Variants in CALCR observed in about 807,000 individuals in gnomAD.
The protein encoded by CALCR is calcitonin receptor.
Under a neutral mutation model 59.5 loss-of-function variants are expected in CALCR, and 47 were observed. The ratio of observed to expected loss-of-function variants is 0.79; its 90% confidence interval spans 0.63 to 1.01. The LOEUF (loss-of-function observed/expected upper bound fraction) is 1.01, where lower values mean the gene tolerates loss of function less well. CALCR is among the 50% of genes least tolerant of loss of function. CALCR has a pLI of 0.00. For synonymous variants in CALCR, 213 were observed against 211.3 expected (o/e 1.01, Z -0.07); for missense variants, 566 against 597.1 (o/e 0.95, Z 0.54).
intron 2 of CALCR, among the ~76,000 whole-genome samples, chr7:93,545,117 C>T (rs1174379927): frequency 6.6e-6 from 1 of 152,034 alleles, no homozygotes; most frequent in African/African-American, 2.4e-5. Flanking sequence ...GGATAAGGTA[C>T]TCATGTGATA....
intron 3 of CALCR, among the ~76,000 whole-genome samples, chr7:93,485,562 C>T (rs1040813112): frequency 1.3e-5 from 2 of 151,490 alleles, no homozygotes; most frequent in East Asian, 1.9e-4. Context: ...TATACCAGAT[C>T]ACTTAGGATT....
intron 2 of CALCR, among the ~76,000 whole-genome samples, chr7:93,572,474 A>G (rs927238332): frequency 2.0e-5 from 3 of 152,046 alleles, no homozygotes; most frequent in Non-Finnish European, 4.4e-5. Context: ...TCTCCTATTA[A>G]CCCTAATTTG....
intron 2 of CALCR, among the ~76,000 whole-genome samples, chr7:93,490,107 C>A (rs576870411): frequency 6.6e-6 from 1 of 151,788 alleles, no homozygotes; most frequent in Non-Finnish European, 1.5e-5. Flanking sequence ...GTTCAACATA[C>A]GCAAATCAAT....
At chr7:93,503,454 T>C (rs1270772869) in intron 2 of CALCR, among the ~76,000 whole-genome samples, 4 of 151,440 alleles carry the variant, frequency 2.6e-5, no homozygotes, top group Non-Finnish European at 4.4e-5. Context: ...CAGAGGAAAA[T>C]TGCACAAGTT....
chr7:93,485,862 T>C (rs560048833), intron 3 of CALCR, among the ~76,000 whole-genome samples: 4 of 151,646 alleles, frequency 2.6e-5, no homozygotes, highest in African/African-American at 9.7e-5. Flanking sequence ...ATTATCCAAA[T>C]AGGTGCAAAA....
intron 7 of CALCR, among the ~76,000 whole-genome samples, chr7:93,467,578 C>A (rs2106736): frequency 0.59 from 89,669 of 151,364 alleles, 28,213 homozygotes; most frequent in African/African-American, 0.82. Context: ...TTATTTTTTG[C>A]GGTAAAGTAT....
intron 2 of CALCR, among the ~76,000 whole-genome samples, chr7:93,495,215 A>C (rs1318622343): frequency 6.6e-6 from 1 of 151,394 alleles, no homozygotes. Context: ...GAAGACCTGC[A>C]ACCAGAAAAT....
chr7:93,504,969 T>C (rs990420708), intron 2 of CALCR, among the ~76,000 whole-genome samples: 3 of 152,142 alleles, frequency 2.0e-5, no homozygotes, highest in African/African-American at 7.2e-5. Context: ...AGAGCTTTTA[T>C]AGTATAAGCA....
chr7:93,532,838 C>CAAAGAAAAAAAA (rs1788877878), intron 2 of CALCR, among the ~76,000 whole-genome samples: 1 of 95,718 alleles, frequency 1.0e-5, no homozygotes, highest in African/African-American at 5.0e-5. Context: ...ATGTCCAAAG[C>CAAAGAAAAAAAA]AAAAAAAAAA....
At chr7:93,438,537 A>C (rs576824051) in intron 9 of CALCR, among the ~76,000 whole-genome samples, 1 of 152,334 alleles carries the variant, frequency 6.6e-6, no homozygotes, top group East Asian at 1.9e-4. Flanking sequence ...TAGCAGGTAC[A>C]CTATGACTAT....
chr7:93,485,730 C>G (rs1432071447), intron 3 of CALCR, among the ~76,000 whole-genome samples: 2 of 151,436 alleles, frequency 1.3e-5, no homozygotes, highest in African/African-American at 4.8e-5. Flanking sequence ...TTTCCAGTGA[C>G]ATAAAGAAAC....
chr7:93,461,385 G>C (rs569811771), intron 7 of CALCR, among the ~76,000 whole-genome samples: 2 of 152,284 alleles, frequency 1.3e-5, no homozygotes, highest in Admixed American at 1.3e-4. Context: ...AAGGCTGCCT[G>C]TGACAAGGTA....
At position 93,491,318 on chromosome 7, in the gene CALCR, G is replaced by A. The variant is rs150818493; in HGVS notation, c.-26-4311C>T. 2.1e-3 allele frequency among the ~76,000 whole-genome samples: 314 copies of A among 152,096 alleles called. 1 individual carries two copies. The highest frequency in any genetic ancestry group is 6.6e-3 in the African/African-American group (275 of 41,490). On this transcript the variant is annotated intron_variant, in intron 2 of 13. Transcript: ENST00000426151. ...CATAAAAACTCTAGAAGAAAACCTA[G>A]GCAATACCATTCAGGACATAGACAT...
chr7:93,468,839 G>T, intron 6 of CALCR, 33 bp from the exon 7 acceptor site: 2 of 489,142 alleles, frequency 4.1e-6, no homozygotes, highest in Non-Finnish European at 6.5e-6. Context: ...AACAAACAAT[G>T]AATGAATGAT....
intron 2 of CALCR, among the ~76,000 whole-genome samples, chr7:93,495,713 A>T (rs181357240): frequency 2.0e-5 from 3 of 151,238 alleles, no homozygotes; most frequent in Non-Finnish European, 4.4e-5. Context: ...ACTTTTTTCA[A>T]ACAAAAACCT....
intron 3 of CALCR, among the ~76,000 whole-genome samples, chr7:93,483,414 T>C (rs1273713967): frequency 3.3e-5 from 3 of 91,146 alleles, no homozygotes; most frequent in Middle Eastern, 4.9e-3. Flanking sequence ...ACTGTATAGA[T>C]AGATAGATAG....
At chr7:93,432,367 C>A (rs1195105777) in intron 13 of CALCR, among the ~76,000 whole-genome samples, 2 of 152,086 alleles carry the variant, frequency 1.3e-5, no homozygotes, top group Non-Finnish European at 2.9e-5. Context: ...TGTGTGAGTG[C>A]CCTGCCTGTG....
intron 7 of CALCR, among the ~76,000 whole-genome samples, chr7:93,465,465 C>T (rs1800420823): frequency 6.6e-6 from 1 of 151,804 alleles, no homozygotes; most frequent in Non-Finnish European, 1.5e-5. Context: ...CCAATTTTTT[C>T]TGCGAAGGTT....
chr7:93,561,890 T>A (rs34588678), intron 2 of CALCR, among the ~76,000 whole-genome samples: 1 of 151,626 alleles, frequency 6.6e-6, no homozygotes, highest in Non-Finnish European at 1.5e-5. Flanking sequence ...TACAGGACGG[T>A]GATTCAGACC....
Sources: gnomAD v4.1 joint callset for allele counts (sites outside exome capture counted in the v4.1 genomes callset) on GRCh38, gnomAD v4.1.1 for gene constraint, MANE v1.5 for transcripts, NCBI Gene and HGNC (gene_info 2026-07-23, HGNC 2026-07-21) for gene names.